Variants in LRPAP1 observed in about 807,000 individuals in gnomAD.
LRPAP1 encodes LDL receptor related protein associated protein 1, also known as alpha-2-macroglobulin receptor-associated protein.
Under a neutral mutation model 39.9 loss-of-function variants are expected in LRPAP1, and 41 were observed. The ratio of observed to expected loss-of-function variants is 1.03; its 90% CI spans 0.80 to 1.33. LRPAP1 has a LOEUF of 1.33. Ranked by LOEUF, LRPAP1 falls within the 40% of genes most tolerant of loss-of-function variation. The pLI is 0.00. For synonymous variants in LRPAP1, 263 were observed against 212.7 expected (o/e 1.24, Z -2.06); for missense variants, 565 against 482.3 (o/e 1.17, Z -1.61).
At chr4:3,523,325 G>C (rs1383424810) in intron 2 of LRPAP1, among the ~76,000 whole-genome samples, 1 of 152,200 alleles carries the variant, frequency 6.6e-6, no homozygotes, top group Non-Finnish European at 1.5e-5. Context: ...CACGCTGGTG[G>C]GGACGCAACC....
At chr4:3,531,030 C>T (rs1380557970) in intron 1 of LRPAP1, among the ~76,000 whole-genome samples, 1 of 152,154 alleles carries the variant, frequency 6.6e-6, no homozygotes, top group Non-Finnish European at 1.5e-5. Context: ...CTGTTCCCTG[C>T]TGCTGGGAGG....
At chr4:3,520,620 G>A (rs1397279050) in intron 2 of LRPAP1, among the ~76,000 whole-genome samples, 1 of 152,230 alleles carries the variant, frequency 6.6e-6, no homozygotes, top group Non-Finnish European at 1.5e-5. Context: ...GCTGCCATAG[G>A]GCAAAAACTC....
At chr4:3,530,796 G>A (rs1560263351) in intron 1 of LRPAP1, among the ~76,000 whole-genome samples, 3 of 152,216 alleles carry the variant, frequency 2.0e-5, no homozygotes, top group African/African-American at 7.2e-5. Context: ...AGCGCACCAG[G>A]GCGGCCCTGC....
intron 2 of LRPAP1, among the ~76,000 whole-genome samples, chr4:3,521,359 C>T (rs969360156): frequency 6.6e-6 from 1 of 152,152 alleles, no homozygotes; most frequent in African/African-American, 2.4e-5. Context: ...TGGTGACTCC[C>T]GGACCCCAGC....
intron 2 of LRPAP1, among the ~76,000 whole-genome samples, chr4:3,523,708 C>A (rs1353346212): frequency 6.6e-6 from 1 of 152,252 alleles, no homozygotes; most frequent in African/African-American, 2.4e-5. Flanking sequence ...GACACCTCCT[C>A]TCTTTACCAG....
intron 5 of LRPAP1, chr4:3,517,758 TG>T (rs1456420746): frequency 5.2e-6 from 2 of 386,528 alleles, no homozygotes; most frequent in African/African-American, 2.1e-5. Flanking sequence ...CTGCTGAGGC[TG>T]GGGAGACGCT....
Position 3,518,985 on chromosome 4 carries a change from T to G in LRPAP1, c.478A>C (p.Thr160Pro). 6.2e-7 allele frequency: 1 copy of G among 1,613,592 alleles called. No homozygotes were observed. The highest frequency in any genetic ancestry group is 8.5e-7 in the Non-Finnish European group (1 of 1,179,740). ...RLEKLWHKAK[T>P]SGKFSGEELD... The stretch of plus-strand genomic sequence containing the variant: ...TCTTCGCCGGAGAATTTCCCAGAGG[T>G]CTTCGCCTAAGAGGGAAACAAGGCC... The change falls in exon 4 of 8, where the codon ACC becomes CCC. Residue 160 changes from threonine to proline, a missense_variant. Transcript: ENST00000650182.
At chr4:3,514,603 C>T (rs941682006) in intron 7 of LRPAP1, 149 bp downstream of exon 7, 5 of 1,068,560 alleles carry the variant, frequency 4.7e-6, no homozygotes, top group Non-Finnish European at 5.2e-6. Flanking sequence ...GTGCCCCACA[C>T]ACTTGTGGCC....
At position 3,518,967 on chromosome 4, in the gene LRPAP1, C is replaced by T. The variant is rs143848774; in HGVS notation, c.496G>A (p.Gly166Ser). 999 of 1,614,014 alleles carry T rather than the reference C, an allele frequency of 6.2e-4. 5 individuals are homozygous for T. The African/African-American group carries it at 8.9e-3, about 14-fold the overall frequency. ...CGCCAGAGCTTGTCCAGTTCTTCGC[C>T]GGAGAATTTCCCAGAGGTCTTCGCC... ...HKAKTSGKFS[G>S]EELDKLWREF... Residue 166 changes from glycine (G) to serine (S), a missense_variant, in exon 4 of 8, where the codon GGC becomes AGC. Transcript: ENST00000650182.
chr4:3,529,306 G>A (rs892654151), intron 1 of LRPAP1, among the ~76,000 whole-genome samples: 3 of 152,024 alleles, frequency 2.0e-5, no homozygotes, highest in Non-Finnish European at 4.4e-5. Context: ...CTCGGCGACA[G>A]AGTGAGACTC....
chr4:3,519,249 C>G (rs943431411), intron 3 of LRPAP1, among the ~76,000 whole-genome samples: 2 of 152,220 alleles, frequency 1.3e-5, no homozygotes, highest in Admixed American at 6.5e-5. Context: ...GCAGAAGATC[C>G]CAAGGAGGGG....
Position 3,512,958 on chromosome 4 carries a change from G to C in LRPAP1, c.*16C>G. ...ACGCTGGCCTCTTCCCTGCCGGGCT[G>C]GGCTCCCCAATGCCTTCAGAGTTCG... On this transcript the variant is annotated 3_prime_UTR_variant, in exon 8 of 8. Transcript: ENST00000650182. 2 of 1,606,184 alleles carry C rather than the reference G, an allele frequency of 1.2e-6. No homozygotes were observed. The highest frequency in any genetic ancestry group is 8.5e-7 in the Non-Finnish European group (1 of 1,176,810).
At chr4:3,516,987 G>A (rs996889460) in intron 5 of LRPAP1, among the ~76,000 whole-genome samples, 2 of 152,234 alleles carry the variant, frequency 1.3e-5, no homozygotes, top group African/African-American at 4.8e-5. Flanking sequence ...AGTGTGTGGG[G>A]CTGAGTCGCC....
In LRPAP1 at chr4:3,520,068, G is replaced by A. The variant is rs1251301963; in HGVS notation, c.471+4C>T. 1.2e-6 allele frequency: 2 copies of A among 1,613,850 alleles called. No individual in the cohort carries two copies. Among genetic ancestry groups the A allele is most frequent in the African/African-American group, 1.3e-5 (1 of 74,910 alleles). On this transcript the variant is annotated splice_donor_region_variant and intron_variant, in intron 3 of 7. Coordinates refer to ENST00000650182, the MANE Select transcript of LRPAP1 (RefSeq NM_002337.4). Reference sequence around the variant, plus strand: ...TGCAAGGTATGCAAACAATCGAAGAGTACCTTGTGCCACAGCTTTTCCAGC... The same window carrying A: ...TGCAAGGTATGCAAACAATCGAAGAATACCTTGTGCCACAGCTTTTCCAGC...
chr4:3,518,939 TC>T lies in LRPAP1; in HGVS notation c.523del (p.Glu175SerfsTer19), dbSNP rs1203253914. The T allele has an allele frequency of 1.2e-6, 2 of 1,613,888 alleles. No individual in the cohort carries two copies. The highest frequency in any genetic ancestry group is 1.7e-6 in the Non-Finnish European group (2 of 1,179,996). ...SGEELDKLWR[E>X]FLHHKEKVHE... Reference sequence around the variant, plus strand: ...AACTTTCTCTTTGTGATGCAGGAACTCCCGCCAGAGCTTGTCCAGTTCTTCG... The same window carrying T: ...AACTTTCTCTTTGTGATGCAGGAACTCCGCCAGAGCTTGTCCAGTTCTTCG... On this transcript the variant is annotated frameshift_variant, in exon 4 of 8. Transcript: ENST00000650182. LOFTEE classifies it high-confidence loss of function.
intron 5 of LRPAP1, among the ~76,000 whole-genome samples, chr4:3,517,141 G>C (rs1729737772): frequency 6.6e-6 from 1 of 152,234 alleles, no homozygotes; most frequent in Non-Finnish European, 1.5e-5. Flanking sequence ...CACCAGGTCA[G>C]GCTAAGGGAG....
At position 3,510,147 on chromosome 4, in the gene LRPAP1, G is replaced by A. The variant is rs1005921955; in HGVS notation, c.*2827C>T. ...CTGTAGCCAAGACAGTGTGGCGGCC[G>A]GGCACCATGGCTCACACCTACAACC... On this transcript the variant is annotated 3_prime_UTR_variant, in exon 8 of 8. Coordinates refer to ENST00000650182, the MANE Select transcript of LRPAP1 (RefSeq NM_002337.4). The A allele has an allele frequency of 2.6e-5, 4 of 152,148 alleles. No homozygotes were observed. Among genetic ancestry groups the A allele is most frequent in the South Asian group, 2.1e-4 (1 of 4,828 alleles). The allele number at this position is 152,148 out of a possible 1,614,324, so 9.4% of individuals were successfully genotyped here.
rs1366125543 is a variant in LRPAP1 at position 3,504,931 on chromosome 4, A to T, written c.*8043T>A. Among the ~76,000 whole-genome samples the T allele has an allele frequency of 6.8e-6, 1 of 146,064 alleles. No individual in the cohort carries two copies. The highest frequency in any genetic ancestry group is 2.1e-4 in the East Asian group (1 of 4,822). On this transcript the variant is annotated 3_prime_UTR_variant, in exon 8 of 8. Transcript: ENST00000650182. ...CAACGCACTCCAGCCTGGGCGACAG[A>T]GCAAGACTCCGTCTCAAGAAAAAAA...
Position 3,518,114 on chromosome 4 carries a change from A to G in LRPAP1, c.671T>C (p.Leu224Pro), listed in dbSNP as rs1729778611. Reference sequence around the variant, plus strand: ...GTTGATGCTGCGCAGCTTCTCCTTCAGCTCCGTGTGCCTGCTGTGCAGGAC... The same window carrying G: ...GTTGATGCTGCGCAGCTTCTCCTTCGGCTCCGTGTGCCTGCTGTGCAGGAC... ...GSVLHSRHTE[L>P]KEKLRSINQG... The change falls in exon 5 of 8, where the codon CTG becomes CCG. Residue 224 changes from leucine to proline, a missense_variant. Leu to Pro is a moderately conservative substitution (Grantham distance 98, BLOSUM62 -3). Coordinates refer to ENST00000650182, the MANE Select transcript of LRPAP1 (RefSeq NM_002337.4). The G allele has an allele frequency of 1.9e-6, 3 of 1,613,488 alleles. No individual in the cohort carries two copies. Among genetic ancestry groups the G allele is most frequent in the East Asian group, 4.5e-5 (2 of 44,868 alleles).
Sources: allele counts gnomAD v4.1 joint callset (sites outside exome capture counted in the v4.1 genomes callset), GRCh38; gene constraint gnomAD v4.1.1; transcripts MANE v1.5; gene names NCBI Gene and HGNC (gene_info 2026-07-23, HGNC 2026-07-21).